DGLUCY: variants seen among roughly 807,000 people sequenced by gnomAD.
The protein encoded by DGLUCY is D-glutamate cyclase, also known as D-glutamate cyclase, mitochondrial.
A neutral mutation model predicts 58.5 loss-of-function variants in DGLUCY; 58 were observed. The ratio of observed to expected loss-of-function variants is 0.99; its 90% confidence interval spans 0.80 to 1.23. The LOEUF (loss-of-function observed/expected upper bound fraction) is 1.23. DGLUCY is among the 50% of genes most tolerant of loss of function. The pLI is 0.00. For synonymous variants in DGLUCY, 325 were observed against 314.1 expected (o/e 1.03, Z -0.37); for missense variants, 779 against 784.7 (o/e 0.99, Z 0.09).
intron 10 of DGLUCY, among the ~76,000 whole-genome samples, chr14:91,198,757 A>G (rs1030678220): frequency 6.6e-6 from 1 of 152,164 alleles, no homozygotes. Context: ...GGGCTTCATG[A>G]CAAGCGCCTC....
chr14:91,190,866 A>G (rs2049841213), intron 9 of DGLUCY, among the ~76,000 whole-genome samples: 2 of 152,210 alleles, frequency 1.3e-5, no homozygotes, highest in East Asian at 3.9e-4. Flanking sequence ...GTGGGTTGTA[A>G]GCAATCACTG....
intron 1 of DGLUCY, among the ~76,000 whole-genome samples, chr14:91,108,515 G>GTGTA (rs2044631731): frequency 9.9e-6 from 1 of 101,412 alleles, no homozygotes; most frequent in African/African-American, 3.5e-5. Flanking sequence ...GTGTGTGTGT[G>GTGTA]TGTGTGTGTG....
chr14:91,158,379 T>C (rs968604894), intron 2 of DGLUCY, among the ~76,000 whole-genome samples: 3 of 152,234 alleles, frequency 2.0e-5, no homozygotes, highest in Admixed American at 2.0e-4. Flanking sequence ...CACAGCACTT[T>C]GTTCCCACAG....
chr14:91,186,407 C>T (rs58705425), intron 8 of DGLUCY, among the ~76,000 whole-genome samples: 6,410 of 151,720 alleles, frequency 0.042, 354 homozygotes, highest in African/African-American at 0.12. Flanking sequence ...CCACCATGCC[C>T]GGCTAATTTT....
chr14:91,072,788 G>A (rs918655363), intron 1 of DGLUCY, among the ~76,000 whole-genome samples: 6 of 152,022 alleles, frequency 3.9e-5, no homozygotes, highest in East Asian at 1.9e-4. Flanking sequence ...TTGGGAGGCC[G>A]AGGCGGGCAG....
chr14:91,113,786 G>A (rs754935008), upstream of DGLUCY, among the ~76,000 whole-genome samples: 3 of 152,192 alleles, frequency 2.0e-5, no homozygotes, highest in Non-Finnish European at 4.4e-5. Context: ...CACAGATGGC[G>A]ATTCACCAGA....
chr14:91,090,762 G>A (rs58354448), intron 1 of DGLUCY, among the ~76,000 whole-genome samples: 29,794 of 152,148 alleles, frequency 0.2, 3,086 homozygotes, highest in Middle Eastern at 0.26. Context: ...ATCTGGTGGA[G>A]CCTTGGCTGT....
intron 1 of DGLUCY, among the ~76,000 whole-genome samples, chr14:91,099,178 A>G (rs748046058): frequency 7.9e-5 from 12 of 152,228 alleles, no homozygotes; most frequent in Non-Finnish European, 1.5e-4. Context: ...TGAAGAGAAC[A>G]GCAGTTTAAG....
chr14:91,128,974 A>C (rs1198516101), intron 1 of DGLUCY: 1 of 152,032 alleles, frequency 6.6e-6, no homozygotes, highest in Admixed American at 6.6e-5. Context: ...GAAAGAAAAA[A>C]AATGCTAGGG....
At chr14:91,181,135 G>C in intron 7 of DGLUCY, 51 bp from the exon 8 acceptor site, 2 of 1,569,274 alleles carry the variant, frequency 1.3e-6, no homozygotes, top group Non-Finnish European at 1.8e-6. Context: ...ATGAGGGTAG[G>C]CTGGACTTGA....
intron 1 of DGLUCY, among the ~76,000 whole-genome samples, chr14:91,077,405 AAAG>A (rs1198474713): frequency 2.6e-4 from 36 of 141,034 alleles, no homozygotes; most frequent in East Asian, 2.0e-3. Context: ...GAGAGAAAGA[AAAG>A]AAAGAAAGAA....
intron 5 of DGLUCY, among the ~76,000 whole-genome samples, chr14:91,172,250 G>GT (rs1352540720): frequency 1.1e-4 from 17 of 151,300 alleles, no homozygotes; most frequent in African/African-American, 7.3e-5. Flanking sequence ...TATGGTTTTG[G>GT]TTTTTTTTGG....
chr14:91,154,961 T>TC (rs1047928551), intron 1 of DGLUCY, among the ~76,000 whole-genome samples: 2 of 151,910 alleles, frequency 1.3e-5, no homozygotes, highest in Admixed American at 6.6e-5. Context: ...GGACAGCTGG[T>TC]CCCCCCAGTA....
intron 4 of DGLUCY, among the ~76,000 whole-genome samples, chr14:91,168,325 A>C (rs2048391625): frequency 5.6e-5 from 1 of 17,916 alleles, no homozygotes. Context: ...CTTGGACCTC[A>C]GCCTGATCTC....
rs769359195 is a variant in DGLUCY, at chr14:91,225,116, C to T, written c.*283C>T. ...CACTCTGGCTTCTTCAGGCAACCCACGTGGTCTCCTGTGAGAATCTTCTCG... is the reference window on the plus strand; with the variant it reads ...CACTCTGGCTTCTTCAGGCAACCCATGTGGTCTCCTGTGAGAATCTTCTCG... On this transcript the variant is annotated 3_prime_UTR_variant, in exon 14 of 14. Transcript: ENST00000256324. 1 of 271,908 alleles carries T rather than the reference C, an allele frequency of 3.7e-6. No homozygotes were observed. Among genetic ancestry groups the T allele is most frequent in the Non-Finnish European group, 6.9e-6 (1 of 145,408 alleles). The allele number at this position is 271,908 out of a possible 1,614,324, so 16.8% of individuals were successfully genotyped here. A position where few individuals can be genotyped will look rare whatever the true frequency, so the allele number is the denominator to read the frequency against.
intron 9 of DGLUCY, among the ~76,000 whole-genome samples, chr14:91,191,644 T>C (rs563349079): frequency 6.6e-6 from 1 of 152,260 alleles, no homozygotes; most frequent in South Asian, 2.1e-4. Context: ...AGTCTCAAGT[T>C]CTGGTTTCAA....
At chr14:91,115,402 A>G (rs1043598123) in intron 1 of DGLUCY, among the ~76,000 whole-genome samples, 3 of 152,112 alleles carry the variant, frequency 2.0e-5, no homozygotes, top group African/African-American at 4.8e-5. Flanking sequence ...TGGCTTGTAC[A>G]TAATTATGAG....
intron 5 of DGLUCY, 124 bp downstream of exon 5, chr14:91,170,325 C>T: frequency 9.1e-7 from 1 of 1,094,438 alleles, no homozygotes; most frequent in East Asian, 2.6e-5. Flanking sequence ...AGCCCCAGCT[C>T]AGCCATTTCT....
intron 12 of DGLUCY, among the ~76,000 whole-genome samples, chr14:91,209,408 C>T (rs80178411): frequency 0.019 from 2,830 of 151,776 alleles, 82 homozygotes; most frequent in African/African-American, 0.065. Context: ...CCACAGTGAA[C>T]TTAAAAAATC....
Sources: gnomAD v4.1 joint callset for allele counts (sites outside exome capture counted in the v4.1 genomes callset) on GRCh38, gnomAD v4.1.1 for gene constraint, MANE v1.5 for transcripts, NCBI Gene and HGNC (gene_info 2026-07-23, HGNC 2026-07-21) for gene names.